FLNB: variants seen among roughly 807,000 people sequenced by gnomAD.
The protein encoded by FLNB is filamin B, also known as filamin-B.
Under a neutral mutation model 250.6 loss-of-function variants are expected in FLNB, and 111 were observed. The observed-to-expected ratio is 0.44, with a 90% confidence interval of 0.38 to 0.52. The LOEUF (loss-of-function observed/expected upper bound fraction) is 0.52, where lower values mean the gene tolerates loss of function less well. FLNB is among the 20% of genes least tolerant of loss of function. FLNB has a pLI of 0.00. For synonymous variants in FLNB, 1,302 were observed against 1,372.1 expected, an observed-to-expected ratio of 0.95 and a Z score of 1.13; for missense variants, 2,869 against 3,447.8, an observed-to-expected ratio of 0.83 and a Z score of 4.20.
At chr3:58,168,978 A>C (rs1305366381) in intron 44 of FLNB, 1 of 354,922 alleles carries the variant, frequency 2.8e-6, no homozygotes, top group Non-Finnish European at 5.4e-6. Context: ...TTTTCACTTG[A>C]AAAATAATCA....
chr3:58,081,152 T>C (rs1351541564), intron 3 of FLNB, among the ~76,000 whole-genome samples: 3 of 147,786 alleles, frequency 2.0e-5, no homozygotes, highest in African/African-American at 8.0e-5. Flanking sequence ...TATTTACATG[T>C]TATTTCTTTT....
intron 1 of FLNB, among the ~76,000 whole-genome samples, chr3:58,024,241 T>G (rs982921620): frequency 6.6e-6 from 1 of 152,216 alleles, no homozygotes; most frequent in African/African-American, 2.4e-5. Context: ...CTTGCTGCTT[T>G]CTAGCTGGCA....
chr3:58,163,108 T>G (rs771094025), intron 42 of FLNB, 46 bp from the exon 43 acceptor site: 30 of 1,588,042 alleles, frequency 1.9e-5, no homozygotes, highest in Non-Finnish European at 2.6e-5. Flanking sequence ...AACTCAGGGG[T>G]GTCCATTTGC....
At position 58,102,329 on chromosome 3, in the gene FLNB, T is replaced by C. The variant is rs147575358; in HGVS notation, c.1472T>C (p.Met491Thr). Residue 491 changes from methionine to threonine, a missense_variant, in exon 9 of 46, where the codon ATG becomes ACG. Coordinates refer to ENST00000295956, the MANE Select transcript of FLNB (RefSeq NM_001457.4). ...GGAAGTGGGGAGCTCGGTGTAACCATGAAGGGTCCTAGTAAGTGTTCCTTT... is the reference window on the plus strand; with the variant it reads ...GGAAGTGGGGAGCTCGGTGTAACCACGAAGGGTCCTAGTAAGTGTTCCTTT... ...AAGSGELGVT[M>T]KGPKGLEELV... 564 of 1,613,288 alleles carry C rather than the reference T, an allele frequency of 3.5e-4. 1 individual carries two copies. In the African/African-American group the frequency reaches 6.9e-3, roughly 20 times the overall value.
In FLNB at chr3:58,170,802, C is replaced by A; in HGVS notation, c.*40C>A. ...ATCCTGGAGAGAGTTCTTGTGGTTG[C>A]TTTTGTTGCTTGTTTGTAATTCATT... On this transcript the variant is annotated 3_prime_UTR_variant, in exon 46 of 46. Transcript: ENST00000295956. 6.3e-7 allele frequency: 1 copy of A among 1,576,468 alleles called. No individual in the cohort carries two copies. Among genetic ancestry groups the A allele is most frequent in the Non-Finnish European group, 8.7e-7 (1 of 1,150,462 alleles).
chr3:58,152,706 A>G (rs1297967055), intron 38 of FLNB: 1 of 1,300,880 alleles, frequency 7.7e-7, no homozygotes. Context: ...TTCTGTCCTC[A>G]GGGGTCAGAG....
chr3:58,135,877 T>A, intron 27 of FLNB, 102 bp from the exon 28 acceptor site: 1 of 1,181,350 alleles, frequency 8.5e-7, no homozygotes, highest in Non-Finnish European at 1.2e-6. Context: ...CAATTCTGTC[T>A]GTTTCCACTA....
rs907266947 is a variant in FLNB at position 58,108,522 on chromosome 3, C to G, written c.2006C>G (p.Thr669Ser). ...ATTGTCAACAACCTGGCCGAGTTCA[C>G]TGTGGATCCTAAGGATGCTGGAAAA... ...GCIVNNLAEF[T>S]VDPKDAGKAP... Residue 669 changes from threonine (T) to serine (S), a missense_variant, in exon 13 of 46, where the codon ACT becomes AGT. By Grantham distance (58) the Thr-to-Ser change is moderately conservative (BLOSUM62 1). Coordinates refer to ENST00000295956, the MANE Select transcript of FLNB (RefSeq NM_001457.4). 6.2e-7 allele frequency: 1 copy of G among 1,614,148 alleles called. No homozygotes were observed. The highest frequency in any genetic ancestry group is 8.5e-7 in the Non-Finnish European group (1 of 1,179,996).
chr3:58,166,628 C>T (rs1226150650), intron 43 of FLNB, among the ~76,000 whole-genome samples: 1 of 151,906 alleles, frequency 6.6e-6, no homozygotes, highest in Non-Finnish European at 1.5e-5. Flanking sequence ...TGAGACCAGC[C>T]CAGGCAACAC....
At chr3:58,071,152 A>T (rs138783583) in intron 1 of FLNB, among the ~76,000 whole-genome samples, 20 of 150,736 alleles carry the variant, frequency 1.3e-4, no homozygotes, top group Non-Finnish European at 2.8e-4. Context: ...GGGTGTCCCT[A>T]TGTTGCCCAG....
chr3:58,113,717 T>C (rs2097272959), intron 18 of FLNB, among the ~76,000 whole-genome samples: 1 of 152,242 alleles, frequency 6.6e-6, no homozygotes, highest in African/African-American at 2.4e-5. Context: ...CTTGCTCTGT[T>C]GCCCAAGCTG....
intron 1 of FLNB, among the ~76,000 whole-genome samples, chr3:58,023,445 CTT>C (rs1179375334): frequency 2.0e-5 from 3 of 152,050 alleles, no homozygotes; most frequent in Non-Finnish European, 2.9e-5. Flanking sequence ...AGTTGTTACT[CTT>C]TGCAAAAAAT....
chr3:58,051,471 CT>C (rs2097162302), intron 1 of FLNB, among the ~76,000 whole-genome samples: 1 of 152,152 alleles, frequency 6.6e-6, no homozygotes, highest in Non-Finnish European at 1.5e-5. Context: ...TCTTTGTATA[CT>C]TTTTCTGGTC....
At chr3:58,134,397 G>A (rs895925513) in intron 26 of FLNB, among the ~76,000 whole-genome samples, 1 of 152,178 alleles carries the variant, frequency 6.6e-6, no homozygotes, top group Non-Finnish European at 1.5e-5. Context: ...GGGGACCGCT[G>A]CCTTGGAACA....
chr3:58,092,128 CA>C (rs1010154527), intron 4 of FLNB, among the ~76,000 whole-genome samples: 1 of 151,928 alleles, frequency 6.6e-6, no homozygotes. Context: ...GTCCATATGA[CA>C]AAAAAACACA....
At chr3:58,047,734 C>T (rs1266682908) in intron 1 of FLNB, among the ~76,000 whole-genome samples, 1 of 151,908 alleles carries the variant, frequency 6.6e-6, no homozygotes, top group African/African-American at 2.4e-5. Flanking sequence ...CCACCATGCC[C>T]AGCTAATTTT....
chr3:58,132,178 T>G, intron 25 of FLNB: 1 of 624,034 alleles, frequency 1.6e-6, no homozygotes, highest in Non-Finnish European at 2.9e-6. Context: ...ACTGTCACGT[T>G]GGAAGCTGGG....
Position 58,146,854 on chromosome 3 carries a change from AG to A in FLNB, c.5590del (p.Ala1864GlnfsTer15), listed in dbSNP as rs2097336567. ...LDLAIEGPSK[A>X]EISCIDNKDG... ...ACTTGGCTATTGAGGGCCCCTCAAA[AG>A]CAGAAATCAGCTGCATTGACAATAA... On this transcript the variant is annotated frameshift_variant, in exon 34 of 46. Transcript: ENST00000295956. LOFTEE classifies it high-confidence loss of function. 2 of 1,614,256 alleles carry A rather than the reference AG, an allele frequency of 1.2e-6. No homozygotes were observed. The highest frequency in any genetic ancestry group is 8.5e-7 in the Non-Finnish European group (1 of 1,180,050).
In FLNB at chr3:58,150,234, G is replaced by T. The variant is rs201871482; in HGVS notation, c.6367+7G>T. ...CTGAACCTGAAAATCCCAGGTGGGC[G>T]TCGGGGACTAGTAGGGTGGGGAAGC... is the stretch of plus-strand genomic sequence containing the variant. On this transcript the variant is annotated splice_region_variant and intron_variant, in intron 38 of 45. Coordinates refer to ENST00000295956, the MANE Select transcript of FLNB (RefSeq NM_001457.4). The T allele has an allele frequency of 2.5e-6, 4 of 1,614,166 alleles. No individual in the cohort carries two copies. The highest frequency in any genetic ancestry group is 1.7e-4 in the Middle Eastern group (1 of 6,058).
Sources: allele counts gnomAD v4.1 joint callset (sites outside exome capture counted in the v4.1 genomes callset), GRCh38; gene constraint gnomAD v4.1.1; transcripts MANE v1.5; gene names NCBI Gene and HGNC (gene_info 2026-07-23, HGNC 2026-07-21).